The following HTT variants were observed in gnomAD, a reference collection of about 807,000 sequenced individuals.
The protein encoded by HTT is huntingtin.
HTT carries 104 observed loss-of-function variants against 362.3 expected under a neutral mutation model. The observed-to-expected ratio is 0.29, with a 90% CI of 0.24 to 0.34. The LOEUF is 0.34. Ranked by LOEUF, HTT falls within the 10% of genes least tolerant of loss-of-function variation. The pLI, the probability that HTT is intolerant of heterozygous loss-of-function variation, is 1.00. For missense variants in HTT, 3,301 were observed against 3,928.6 expected, an observed-to-expected ratio of 0.84 and a Z score of 4.27; for synonymous variants, 1,577 against 1,548.7, an observed-to-expected ratio of 1.02 and a Z score of -0.43.
In HTT at chr4:3,078,979, CCGACCTTGTGAT is replaced by C. The variant is rs1712731880; in HGVS notation, c.263+3893_263+3904del. Among the ~76,000 whole-genome samples the C allele has an allele frequency of 5.9e-5, 9 of 152,192 alleles. No homozygotes were observed. In the South Asian group the frequency reaches 1.0e-3, roughly 18 times the overall value. ...CTTGATCTCCTGACCTCGTCATCCG[CCGACCTTGTGAT>C]CCGCCCACCTCGGCCTCCCAAAGTG... On this transcript the variant is annotated intron_variant, in intron 1 of 66. Coordinates refer to ENST00000355072, the MANE Select transcript of HTT (RefSeq NM_001388492.1).
intron 11 of HTT, 27 bp from the exon 12 acceptor site, chr4:3,127,237 G>T: frequency 6.4e-7 from 1 of 1,552,978 alleles, no homozygotes; most frequent in South Asian, 1.1e-5. Flanking sequence ...CTCGCCATTT[G>T]ACAAATGAGT....
At chr4:3,194,629 G>A (rs922037864) in intron 40 of HTT, among the ~76,000 whole-genome samples, 1 of 152,176 alleles carries the variant, frequency 6.6e-6, no homozygotes, top group African/African-American at 2.4e-5. Context: ...AGGAGCTGCT[G>A]CCCCTTCCTC....
intron 1 of HTT, among the ~76,000 whole-genome samples, chr4:3,083,530 T>TATATATATACACACACAC (rs1165543364): frequency 8.0e-6 from 1 of 125,126 alleles, no homozygotes; most frequent in Non-Finnish European, 1.7e-5. Context: ...TCTCTAAATA[T>TATATATATACACACACAC]ACACACACAC....
chr4:3,148,673 C>T (rs902006378), intron 26 of HTT, among the ~76,000 whole-genome samples: 13 of 152,238 alleles, frequency 8.5e-5, no homozygotes, highest in Non-Finnish European at 1.6e-4. Context: ...TGGCGGGCGC[C>T]TGTAGTCCCA....
intron 26 of HTT, among the ~76,000 whole-genome samples, chr4:3,150,747 G>A (rs1184379111): frequency 6.6e-6 from 1 of 152,088 alleles, no homozygotes; most frequent in Admixed American, 6.6e-5. Context: ...GTTAAAAACC[G>A]GACTGCAGGC....
intron 40 of HTT, among the ~76,000 whole-genome samples, chr4:3,192,858 C>T (rs1373871904): frequency 6.6e-6 from 1 of 152,216 alleles, no homozygotes; most frequent in Admixed American, 6.5e-5. Flanking sequence ...ATACTCTTGG[C>T]GTGGCCCGCC....
At chr4:3,132,969 A>G in intron 18 of HTT, 58 bp downstream of exon 18, 3 of 1,258,362 alleles carry the variant, frequency 2.4e-6, no homozygotes, top group Admixed American at 1.7e-5. Context: ...TATCATTGCT[A>G]CAATTAAAAT....
chr4:3,095,379 A>G (rs1434328392), intron 2 of HTT, among the ~76,000 whole-genome samples: 4 of 152,224 alleles, frequency 2.6e-5, no homozygotes. Flanking sequence ...CACGAAAACC[A>G]GTCAGACATG....
At position 3,235,557 on chromosome 4, in the gene HTT, C is replaced by T. The variant is rs1448635482; in HGVS notation, c.8572-8C>T. 2 of 1,613,158 alleles carry T rather than the reference C, an allele frequency of 1.2e-6. No individual in the cohort carries two copies. The highest frequency in any genetic ancestry group is 1.7e-6 in the Non-Finnish European group (2 of 1,179,390). On this transcript the variant is annotated splice_region_variant and splice_polypyrimidine_tract_variant and intron_variant, in intron 62 of 66. Coordinates refer to ENST00000355072, the MANE Select transcript of HTT (RefSeq NM_001388492.1). The stretch of plus-strand genomic sequence containing the variant: ...TTCTTTGACACAGAGGCCTTTCTCC[C>T]TGTGCAGATGTGTGGGGTGATGCTG...
At chr4:3,130,134 C>A in intron 13 of HTT, 87 bp downstream of exon 13, 1 of 1,363,098 alleles carries the variant, frequency 7.3e-7, no homozygotes, top group Non-Finnish European at 1.0e-6. Context: ...AAGAAGAAGT[C>A]CTTTGATACT....
chr4:3,101,686 A>C (rs1714164891), intron 3 of HTT, among the ~76,000 whole-genome samples: 1 of 152,244 alleles, frequency 6.6e-6, no homozygotes. Context: ...AGAGAAATGC[A>C]CTGGGTATCT....
At chr4:3,113,857 C>T (rs891089385) in intron 6 of HTT, among the ~76,000 whole-genome samples, 4 of 151,904 alleles carry the variant, frequency 2.6e-5, no homozygotes, top group Admixed American at 2.0e-4. Flanking sequence ...AGTCCTGTGG[C>T]TGGGGTCTCA....
chr4:3,114,285 C>T (rs1382460607), intron 6 of HTT, among the ~76,000 whole-genome samples: 1 of 152,216 alleles, frequency 6.6e-6, no homozygotes, highest in South Asian at 2.1e-4. Flanking sequence ...CCTGTCAACC[C>T]ACAACCTTCC....
At chr4:3,123,539 A>G (rs1279204703) in intron 10 of HTT, 1 of 152,220 alleles carries the variant, frequency 6.6e-6, no homozygotes, top group Non-Finnish European at 1.5e-5. Flanking sequence ...AAACAAAAAA[A>G]CAGCCACGCA....
At chr4:3,123,024 A>G in intron 10 of HTT, 88 bp downstream of exon 10, 2 of 1,041,214 alleles carry the variant, frequency 1.9e-6, no homozygotes, top group Non-Finnish European at 3.0e-6. Context: ...ATTTCTTGTA[A>G]TACTGTATTG....
intron 2 of HTT, among the ~76,000 whole-genome samples, chr4:3,091,203 A>G (rs1713488159): frequency 1.3e-5 from 2 of 152,232 alleles, no homozygotes; most frequent in Non-Finnish European, 2.9e-5. Context: ...ATGTTAAAAC[A>G]GGTATAGAAC....
At position 3,175,020 on chromosome 4, in the gene HTT, A is replaced by G. The variant is rs199875867; in HGVS notation, c.4320A>G (p.Thr1440=). The part of the protein sequence containing the change: ...IKALKQYTTT[T]CVQLQKQVLD... Reference sequence around the variant, plus strand: ...CTTTAAAACAGTACACGACTACAACATGTGTGCAGTTACAGAAGCAGGTTT... The same window carrying G: ...CTTTAAAACAGTACACGACTACAACGTGTGTGCAGTTACAGAAGCAGGTTT... The change falls in exon 33 of 67, where the codon ACA becomes ACG. Residue 1440 remains threonine, a synonymous_variant. Coordinates refer to ENST00000355072, the MANE Select transcript of HTT (RefSeq NM_001388492.1). 6.9e-4 allele frequency: 1,114 copies of G among 1,612,986 alleles called. No homozygotes were observed. The highest frequency in any genetic ancestry group is 9.1e-4 in the Non-Finnish European group (1,074 of 1,178,922).
At chr4:3,113,293 A>G (rs182318792) in intron 6 of HTT, among the ~76,000 whole-genome samples, 37 of 152,252 alleles carry the variant, frequency 2.4e-4, no homozygotes, top group Non-Finnish European at 3.7e-4. Context: ...AATAATGAGT[A>G]GCTCTCATTG....
chr4:3,195,863 G>T (rs1320412696), intron 40 of HTT, among the ~76,000 whole-genome samples: 2 of 152,180 alleles, frequency 1.3e-5, no homozygotes, highest in Non-Finnish European at 2.9e-5. Context: ...GAGAGGGAAG[G>T]TAAAGAAGGC....
Sources: allele counts gnomAD v4.1 joint callset (sites outside exome capture counted in the v4.1 genomes callset), GRCh38; gene constraint gnomAD v4.1.1; transcripts MANE v1.5; gene names NCBI Gene and HGNC (gene_info 2026-07-23, HGNC 2026-07-21).